ASCC1: variants seen among roughly 807,000 people sequenced by gnomAD.
The protein encoded by ASCC1 is activating signal cointegrator 1 complex subunit 1.
ASCC1 carries 35 observed loss-of-function variants against 46.6 expected under a neutral mutation model. The ratio of observed to expected loss-of-function variants is 0.75; its 90% CI spans 0.57 to 0.99. The LOEUF is 0.99. Ranked by LOEUF, ASCC1 falls within the 50% of genes least tolerant of loss-of-function variation. The pLI, the probability that ASCC1 is intolerant of heterozygous loss-of-function variation, is 0.00. For missense variants in ASCC1, 376 were observed against 428.7 expected, an observed-to-expected ratio of 0.88 and a Z score of 1.09; for synonymous variants, 143 against 146.6, an observed-to-expected ratio of 0.98 and a Z score of 0.18.
intron 7 of ASCC1, among the ~76,000 whole-genome samples, chr10:72,136,901 A>G (rs1257700324): frequency 6.6e-6 from 1 of 151,802 alleles, no homozygotes; most frequent in African/African-American, 2.4e-5. Flanking sequence ...CCACGAACCC[A>G]CCGGCAGGAA....
At chr10:72,155,578 C>T (rs1261517577) in intron 6 of ASCC1, among the ~76,000 whole-genome samples, 1 of 152,190 alleles carries the variant, frequency 6.6e-6, no homozygotes, top group Non-Finnish European at 1.5e-5. Context: ...GAAAAACATA[C>T]ATATACATAT....
chr10:72,196,279 CTTTTTTTT>C (rs573100323), intron 5 of ASCC1, among the ~76,000 whole-genome samples: 1 of 136,396 alleles, frequency 7.3e-6, no homozygotes, highest in Non-Finnish European at 1.6e-5. Flanking sequence ...TGTCTTAAAT[CTTTTTTTT>C]TTTTTTTTTG....
intron 8 of ASCC1, among the ~76,000 whole-genome samples, chr10:72,129,328 G>A (rs1564618241): frequency 6.6e-6 from 1 of 152,114 alleles, no homozygotes; most frequent in Non-Finnish European, 1.5e-5. Flanking sequence ...TTGATGAAAG[G>A]ATACATAAAA....
At chr10:72,173,055 G>A (rs985277147) in intron 5 of ASCC1, among the ~76,000 whole-genome samples, 3 of 143,334 alleles carry the variant, frequency 2.1e-5, no homozygotes, top group African/African-American at 7.7e-5. Flanking sequence ...GAAAAATGAG[G>A]GAAAGAAATG....
intron 8 of ASCC1, among the ~76,000 whole-genome samples, chr10:72,132,294 G>C (rs1011562637): frequency 7.9e-5 from 12 of 152,186 alleles, no homozygotes; most frequent in African/African-American, 2.7e-4. Flanking sequence ...CATATGGCTT[G>C]AATGTGTGAC....
At chr10:72,172,516 C>A (rs980313379) in intron 5 of ASCC1, among the ~76,000 whole-genome samples, 3 of 123,262 alleles carry the variant, frequency 2.4e-5, no homozygotes, top group African/African-American at 8.7e-5. Context: ...TTCTTTTTTT[C>A]TTTTTCTTTT....
intron 3 of ASCC1, 84 bp from the exon 4 acceptor site, chr10:72,203,608 A>C (rs1856805670): frequency 2.0e-6 from 2 of 997,824 alleles, no homozygotes; most frequent in African/African-American, 3.2e-5. Context: ...CTTTGTGACA[A>C]GAGATACTCC....
At chr10:72,151,338 T>C (rs184336608) in intron 7 of ASCC1, among the ~76,000 whole-genome samples, 39 of 151,538 alleles carry the variant, frequency 2.6e-4, no homozygotes, top group African/African-American at 8.7e-4. Context: ...GCAAACTATA[T>C]GCAAGGACAG....
At chr10:72,119,077 G>C (rs1184443440) in intron 9 of ASCC1, among the ~76,000 whole-genome samples, 1 of 152,172 alleles carries the variant, frequency 6.6e-6, no homozygotes, top group Non-Finnish European at 1.5e-5. Context: ...AAACCCACAG[G>C]AGAAACCTCC....
chr10:72,192,918 C>G (rs1854765699), intron 5 of ASCC1, among the ~76,000 whole-genome samples: 1 of 152,150 alleles, frequency 6.6e-6, no homozygotes, highest in Admixed American at 6.6e-5. Flanking sequence ...AAATGTAAAT[C>G]AAAACCACAA....
chr10:72,099,403 G>A (rs1241088558), intron 9 of ASCC1, among the ~76,000 whole-genome samples: 3 of 152,212 alleles, frequency 2.0e-5, no homozygotes, highest in Admixed American at 1.3e-4. Context: ...GCAGGCTGTG[G>A]AAAGAGTGCT....
rs116651170 is a variant in ASCC1, at chr10:72,193,558, T to C, written c.489+3253A>G. Reference sequence around the variant, plus strand: ...GTTGTGGGTGAGCAAGAGGTGACTATAAAGGGAGAGCATGAGGGAGTTTTT... The same window carrying C: ...GTTGTGGGTGAGCAAGAGGTGACTACAAAGGGAGAGCATGAGGGAGTTTTT... On this transcript the variant is annotated intron_variant, in intron 5 of 9. Transcript: ENST00000672957. Among the ~76,000 whole-genome samples, 156 of 151,954 alleles carry C rather than the reference T, an allele frequency of 1.0e-3. 3 individuals are homozygous for C. The highest frequency in any genetic ancestry group is 3.1e-3 in the African/African-American group (130 of 41,468).
chr10:72,203,412 T>C lies in ASCC1; in HGVS notation c.310+15A>G, dbSNP rs41282254. Reference sequence around the variant, plus strand: ...AAAGTGACTTCAAATGTAACTTATATCTACTGAGTCTCACCAATTTCCCCG... The same window carrying C: ...AAAGTGACTTCAAATGTAACTTATACCTACTGAGTCTCACCAATTTCCCCG... On this transcript the variant is annotated intron_variant, in intron 4 of 9. Transcript: ENST00000672957. 4.0e-5 allele frequency: 63 copies of C among 1,577,486 alleles called. 1 individual carries two copies. The highest frequency in any genetic ancestry group is 1.7e-6 in the Non-Finnish European group (2 of 1,146,752).
chr10:72,129,240 G>A (rs1390776006), intron 8 of ASCC1, among the ~76,000 whole-genome samples: 1 of 152,166 alleles, frequency 6.6e-6, no homozygotes, highest in Non-Finnish European at 1.5e-5. Flanking sequence ...AAGAGAATGT[G>A]TGAAGTTGCA....
chr10:72,168,124 G>A (rs1249600096), intron 5 of ASCC1, among the ~76,000 whole-genome samples: 1 of 152,220 alleles, frequency 6.6e-6, no homozygotes, highest in Non-Finnish European at 1.5e-5. Context: ...CTGGGAGGTG[G>A]AGGTTGCAGT....
chr10:72,162,760 T>C (rs765973121), intron 5 of ASCC1, among the ~76,000 whole-genome samples: 44 of 151,870 alleles, frequency 2.9e-4, no homozygotes, highest in Admixed American at 1.5e-3. Flanking sequence ...CTGACCAACA[T>C]GGTGAAACCC....
chr10:72,161,678 T>C lies in ASCC1; in HGVS notation c.490-4A>G. 1 of 1,614,108 alleles carries C rather than the reference T, an allele frequency of 6.2e-7. No homozygotes were observed. ...TGCTGCTGTCAACCCCATGATCCTG[T>C]TATCAAAGAGAGAAAAACAAGAAAC... On this transcript the variant is annotated splice_region_variant and splice_polypyrimidine_tract_variant and intron_variant, in intron 5 of 9. Transcript: ENST00000672957.
Position 72,114,137 on chromosome 10 carries a change from T to A in ASCC1, c.957+13945A>T, listed in dbSNP as rs552358124. On this transcript the variant is annotated intron_variant, in intron 9 of 9. Coordinates refer to ENST00000672957, the MANE Select transcript of ASCC1 (RefSeq NM_001198800.3). The stretch of plus-strand genomic sequence containing the variant: ...AGAGAAGCACAGAATTAATTTTGGA[T>A]GTATTTTGAAATAAAAGAAAGTTAA... 3.3e-5 allele frequency among the ~76,000 whole-genome samples: 5 copies of A among 152,330 alleles called. No homozygotes were observed. The South Asian group carries it at 8.3e-4, about 25-fold the overall frequency.
intron 5 of ASCC1, among the ~76,000 whole-genome samples, chr10:72,176,299 G>A (rs1363461056): frequency 6.6e-6 from 1 of 151,912 alleles, no homozygotes; most frequent in Non-Finnish European, 1.5e-5. Context: ...TTTTTCTGTG[G>A]TGCTAAGTTC....
Sources: gnomAD v4.1 joint callset for allele counts (sites outside exome capture counted in the v4.1 genomes callset) on GRCh38, gnomAD v4.1.1 for gene constraint, MANE v1.5 for transcripts, NCBI Gene and HGNC (gene_info 2026-07-23, HGNC 2026-07-21) for gene names.